Variants in LRRC8A observed in about 807,000 individuals in gnomAD.
The protein encoded by LRRC8A is leucine rich repeat containing 8 VRAC subunit A, also known as volume-regulated anion channel subunit LRRC8A.
A neutral mutation model predicts 52.5 loss-of-function variants in LRRC8A; 24 were observed. The ratio of observed to expected loss-of-function variants is 0.46; its 90% CI spans 0.33 to 0.64. The LOEUF (loss-of-function observed/expected upper bound fraction) is 0.64. LRRC8A is among the 30% of genes least tolerant of loss of function. The pLI, the probability that LRRC8A is intolerant of heterozygous loss-of-function variation, is 0.02. For missense variants in LRRC8A, 677 were observed against 1,094.7 expected (o/e 0.62, Z 5.38); for synonymous variants, 492 against 494.2 (o/e 1.00, Z 0.06).
rs1179746984 is a variant in LRRC8A at position 128,909,426 on chromosome 9, C to T, written c.2157+105C>T. ...CAGTGTCCTGGGACCGTCGATGCCC[C>T]TGAGTGTGGAGTCCTCACCTGGGGT... On this transcript the variant is annotated intron_variant, in intron 3 of 3. Coordinates refer to ENST00000372600, the MANE Select transcript of LRRC8A (RefSeq NM_019594.4). The T allele has an allele frequency of 4.4e-6, 5 of 1,135,246 alleles. No homozygotes were observed. In the Admixed American group the frequency reaches 7.8e-5, roughly 18 times the overall value. The allele number at this position is 1,135,246 out of a possible 1,614,324, so 70.3% of individuals were successfully genotyped here.
intron 2 of LRRC8A, among the ~76,000 whole-genome samples, chr9:128,898,325 A>G (rs766227245): frequency 5.3e-5 from 8 of 152,120 alleles, no homozygotes; most frequent in African/African-American, 9.7e-5. Flanking sequence ...GGTTCAAGCA[A>G]TTCTCCTGCC....
Position 128,916,567 on chromosome 9 carries a change from A to C in LRRC8A, c.*196A>C. On this transcript the variant is annotated 3_prime_UTR_variant, in exon 4 of 4. Coordinates refer to ENST00000372600, the MANE Select transcript of LRRC8A (RefSeq NM_019594.4). The surrounding 1 kb of genome is among the most constrained non-coding windows in gnomAD (Gnocchi z 6.1). ...GGCTGGCCCCTTTTCTCCCTCTGAG[A>C]CTCACGTCCCCCAGGGCAAGTGCTT... The C allele has an allele frequency of 3.0e-6, 2 of 667,420 alleles. No homozygotes were observed. The highest frequency in any genetic ancestry group is 4.2e-5 in the South Asian group (2 of 47,238). 41.3% of individuals were successfully genotyped at this position (667,420 alleles called of 1,614,324 possible).
chr9:128,906,125 A>G (rs1840237345), intron 2 of LRRC8A, among the ~76,000 whole-genome samples: 1 of 152,082 alleles, frequency 6.6e-6, no homozygotes, highest in South Asian at 2.1e-4. Context: ...ACACATAACT[A>G]TACACACATG....
At chr9:128,905,541 A>G (rs1211467305) in intron 2 of LRRC8A, among the ~76,000 whole-genome samples, 1 of 152,104 alleles carries the variant, frequency 6.6e-6, no homozygotes, top group Non-Finnish European at 1.5e-5. Context: ...CACCAAAGTT[A>G]TGTGTTAAAA....
chr9:128,886,338 A>G (rs1839394259), intron 2 of LRRC8A, among the ~76,000 whole-genome samples: 1 of 152,248 alleles, frequency 6.6e-6, no homozygotes, highest in East Asian at 1.9e-4. Context: ...GAGTTGTTTC[A>G]TTGCAAACCT....
At chr9:128,883,203 A>G (rs983863279) in intron 1 of LRRC8A, among the ~76,000 whole-genome samples, 2 of 152,182 alleles carry the variant, frequency 1.3e-5, no homozygotes, top group Non-Finnish European at 2.9e-5. Context: ...TACCTCAGGA[A>G]GCCTTTTGAG....
rs1220191556 is a variant in LRRC8A at position 128,917,139 on chromosome 9, G to A, written c.*768G>A. ...AACTTAAAAAAAAAAAGACACTAAC[G>A]GCCAGTGAGTTGGAGTCTCAGGGCA... On this transcript the variant is annotated 3_prime_UTR_variant, in exon 4 of 4. Transcript: ENST00000372600. 4 of 151,148 alleles carry A rather than the reference G, an allele frequency of 2.6e-5. No homozygotes were observed. The highest frequency in any genetic ancestry group is 6.6e-5 in the Admixed American group (1 of 15,090). The allele number at this position is 151,148 out of a possible 1,614,324, so 9.4% of individuals were successfully genotyped here.
intron 2 of LRRC8A, among the ~76,000 whole-genome samples, chr9:128,905,442 C>G (rs962639484): frequency 6.6e-6 from 1 of 152,220 alleles, no homozygotes; most frequent in African/African-American, 2.4e-5. Context: ...TCACAGAGAT[C>G]TTGCTGCGTG....
intron 2 of LRRC8A, among the ~76,000 whole-genome samples, chr9:128,900,227 C>T (rs981016138): frequency 2.0e-5 from 3 of 152,342 alleles, no homozygotes; most frequent in East Asian, 1.9e-4. Context: ...CGGGGGCCCA[C>T]GCCCTGCAGC....
rs548898306 is a variant in LRRC8A at position 128,911,808 on chromosome 9, C to T, written c.2157+2487C>T. ...GCTTAATCACATCCTGTCCCCACCC[C>T]CTGGAACACCAGAGCCTTAATAGGG... On this transcript the variant is annotated intron_variant, in intron 3 of 3. Transcript: ENST00000372600. This position sits in a 1 kb window ranked among gnomAD's most constrained non-coding sequence, Gnocchi z 4.9. 6.6e-6 allele frequency among the ~76,000 whole-genome samples: 1 copy of T among 152,344 alleles called. No homozygotes were observed. The highest frequency in any genetic ancestry group is 2.1e-4 in the South Asian group (1 of 4,830).
rs1229269960 is a variant in LRRC8A at position 128,900,705 on chromosome 9, C to CAAAATA, written c.-8-6436_-8-6431dup. Among the ~76,000 whole-genome samples the CAAAATA allele has an allele frequency of 5.3e-5, 8 of 152,088 alleles. No homozygotes were observed. In the East Asian group the frequency reaches 7.7e-4, roughly 15 times the overall value. On this transcript the variant is annotated intron_variant, in intron 2 of 3. Transcript: ENST00000372600. ...TGAGTGACAGATTGAGACTCCGTCT[C>CAAAATA]AAAATAAAAATAAAAATAAAAGCAT...
chr9:128,915,450 G>A lies in LRRC8A; in HGVS notation c.2158-646G>A, dbSNP rs1228550620. On this transcript the variant is annotated intron_variant, in intron 3 of 3. Coordinates refer to ENST00000372600, the MANE Select transcript of LRRC8A (RefSeq NM_019594.4). ...CGCCATTCTCCTGCCTCAGCCTCCC[G>A]AGTAGCTGGGACTACAGGCGCCCGG... Among the ~76,000 whole-genome samples, 12 of 151,990 alleles carry A rather than the reference G, an allele frequency of 7.9e-5. No homozygotes were observed. In the South Asian group the frequency reaches 2.1e-3, roughly 26 times the overall value.
At position 128,905,069 on chromosome 9, in the gene LRRC8A, G is replaced by A. The variant is rs1263694407; in HGVS notation, c.-8-2088G>A. 3.9e-5 allele frequency among the ~76,000 whole-genome samples: 6 copies of A among 152,096 alleles called. No homozygotes were observed. The East Asian group carries it at 9.7e-4, about 24-fold the overall frequency. ...ACACCTGTAGCCCCAGCTACCTGGGGGAGGCTAAGGTAGGAGGATTGCTTG... is the reference window on the plus strand; with the variant it reads ...ACACCTGTAGCCCCAGCTACCTGGGAGAGGCTAAGGTAGGAGGATTGCTTG... On this transcript the variant is annotated intron_variant, in intron 2 of 3. Transcript: ENST00000372600.
intron 2 of LRRC8A, among the ~76,000 whole-genome samples, chr9:128,890,994 A>C (rs1424748195): frequency 6.7e-6 from 1 of 150,052 alleles, no homozygotes; most frequent in African/African-American, 2.5e-5. Flanking sequence ...AAAAATAAAA[A>C]AAAAATTAGT....
Position 128,908,727 on chromosome 9 carries a change from G to T in LRRC8A, c.1563G>T (p.Leu521=). The change falls in exon 3 of 4, where the codon CTG becomes CTT. Residue 521 remains leucine (L), a synonymous_variant. Transcript: ENST00000372600. ...ATAGCCTGAAGACACTGGAGGAGCTGCACCTGACGGGCAACCTGAGCGCGG... is the reference window on the plus strand; with the variant it reads ...ATAGCCTGAAGACACTGGAGGAGCTTCACCTGACGGGCAACCTGAGCGCGG... ...WIYSLKTLEE[L]HLTGNLSAEN... 2 of 1,613,144 alleles carry T rather than the reference G, an allele frequency of 1.2e-6. No homozygotes were observed. Among genetic ancestry groups the T allele is most frequent in the Non-Finnish European group, 1.7e-6 (2 of 1,180,040 alleles).
chr9:128,915,497 T>C (rs1840770286), intron 3 of LRRC8A, among the ~76,000 whole-genome samples: 1 of 152,152 alleles, frequency 6.6e-6, no homozygotes, highest in African/African-American at 2.4e-5. Flanking sequence ...GCTAATTTTT[T>C]TGTATTTTTA....
chr9:128,882,765 A>G (rs1027377086), intron 1 of LRRC8A: 6 of 398,844 alleles, frequency 1.5e-5, no homozygotes, highest in East Asian at 7.1e-5. Flanking sequence ...ATCCCCGGCT[A>G]GGCTCTTGGG....
chr9:128,907,805 G>A lies in LRRC8A; in HGVS notation c.641G>A (p.Arg214Gln), dbSNP rs902618895. The A allele has an allele frequency of 1.2e-5, 19 of 1,613,876 alleles. No individual in the cohort carries two copies. Among genetic ancestry groups the A allele is most frequent in the African/African-American group, 6.7e-5 (5 of 74,922 alleles). ...GAGGCCACCGTGCCCATGCTGCAGCGGACCAAGTCACGGATCGAGCAGGGT... is the reference window on the plus strand; with the variant it reads ...GAGGCCACCGTGCCCATGCTGCAGCAGACCAAGTCACGGATCGAGCAGGGT... ...DVEATVPMLQ[R>Q]TKSRIEQGIV... The change falls in exon 3 of 4, where the codon CGG becomes CAG. Residue 214 changes from arginine to glutamine, a missense_variant. By Grantham distance (43) the Arg-to-Gln change is conservative (BLOSUM62 1). This residue lies in a region of LRRC8A where 422 missense variants were observed against 741.5 expected (regional missense o/e 0.57). Coordinates refer to ENST00000372600, the MANE Select transcript of LRRC8A (RefSeq NM_019594.4). The surrounding 1 kb of genome is among the most constrained non-coding windows in gnomAD (Gnocchi z 9.3).
intron 2 of LRRC8A, among the ~76,000 whole-genome samples, chr9:128,889,243 C>G (rs895443198): frequency 3.3e-5 from 5 of 152,074 alleles, no homozygotes; most frequent in African/African-American, 1.2e-4. Flanking sequence ...AAATGCTGTT[C>G]CCCTGGGCCC....
Sources: gnomAD v4.1 joint callset for allele counts (sites outside exome capture counted in the v4.1 genomes callset) on GRCh38, gnomAD v4.1.1 for gene constraint, gnomAD v4.1.1 regional missense constraint, Gnocchi (gnomAD v3.1) non-coding constraint, MANE v1.5 for transcripts, NCBI Gene and HGNC (gene_info 2026-07-23, HGNC 2026-07-21) for gene names.